Variants in GPR158 observed in about 807,000 individuals in gnomAD.
The protein encoded by GPR158 is G protein-coupled receptor 158.
GPR158 carries 30 observed loss-of-function variants against 78.2 expected under a neutral mutation model. The ratio of observed to expected loss-of-function variants is 0.38; its 90% CI spans 0.29 to 0.52. The LOEUF is 0.52. Among genes scored for constraint, GPR158 ranks in the 20% least tolerant of loss-of-function variants. The probability of loss-of-function intolerance (pLI) is 0.83; values close to 1 mark genes in which losing one functional copy is unlikely to be tolerated. For missense variants in GPR158, 1,463 were observed against 1,523.5 expected (o/e 0.96, Z 0.66); for synonymous variants, 581 against 591.1 (o/e 0.98, Z 0.25).
intron 2 of GPR158, among the ~76,000 whole-genome samples, chr10:25,367,179 G>A (rs1054474648): frequency 2.0e-5 from 3 of 151,408 alleles, no homozygotes; most frequent in African/African-American, 7.3e-5. Context: ...TATATGTGCT[G>A]GGAAGTAGGG....
intron 2 of GPR158, among the ~76,000 whole-genome samples, chr10:25,260,654 A>G (rs1214338396): frequency 6.6e-6 from 1 of 151,914 alleles, no homozygotes; most frequent in Non-Finnish European, 1.5e-5. Flanking sequence ...ACCCTTTGAA[A>G]GCGCTGGGTT....
intron 2 of GPR158, among the ~76,000 whole-genome samples, chr10:25,241,068 TG>T (rs1196385030): frequency 6.6e-6 from 1 of 152,150 alleles, no homozygotes; most frequent in African/African-American, 2.4e-5. Context: ...AAAGAGGTTT[TG>T]TTTTTCTATG....
At chr10:25,249,742 A>G (rs978270419) in intron 2 of GPR158, among the ~76,000 whole-genome samples, 7 of 152,164 alleles carry the variant, frequency 4.6e-5, no homozygotes, top group Non-Finnish European at 5.9e-5. Flanking sequence ...TTTTGCATCA[A>G]TGTTCATCAA....
intron 5 of GPR158, among the ~76,000 whole-genome samples, chr10:25,511,441 G>C (rs970677902): frequency 5.9e-5 from 9 of 152,118 alleles, no homozygotes; most frequent in African/African-American, 2.2e-4. Flanking sequence ...CCGGATATTA[G>C]TCCTTTGTCA....
In GPR158 at chr10:25,572,879, C is replaced by G; in HGVS notation, c.1745C>G (p.Thr582Arg). Residue 582 changes from threonine to arginine, a missense_variant, in exon 7 of 11, where the codon ACA (threonine) becomes AGA (arginine). Transcript: ENST00000376351. Reference protein sequence around the residue: ...MCLIDRWDYMTAVAEFLFLLW... With the variant: ...MCLIDRWDYMRAVAEFLFLLW... ...CTCATTGACCGCTGGGACTACATGA[C>G]AGCAGTTGGTATGTGGTCACTTGTT... The G allele has an allele frequency of 6.3e-7, 1 of 1,580,174 alleles. No homozygotes were observed. The highest frequency in any genetic ancestry group is 8.7e-7 in the Non-Finnish European group (1 of 1,149,032).
chr10:25,383,953 G>A (rs1037082483), intron 2 of GPR158, among the ~76,000 whole-genome samples: 1 of 152,210 alleles, frequency 6.6e-6, no homozygotes, highest in Non-Finnish European at 1.5e-5. Flanking sequence ...TTAGCAGTTT[G>A]TTCCTCAAAG....
At chr10:25,493,090 G>GT (rs1477374686) in intron 5 of GPR158, among the ~76,000 whole-genome samples, 2 of 152,092 alleles carry the variant, frequency 1.3e-5, no homozygotes, top group Non-Finnish European at 2.9e-5. Flanking sequence ...TTTCTAGTAG[G>GT]TTTTTTAAAA....
intron 5 of GPR158, among the ~76,000 whole-genome samples, chr10:25,505,677 A>G (rs1451517211): frequency 1.3e-5 from 2 of 152,222 alleles, no homozygotes; most frequent in Non-Finnish European, 2.9e-5. Flanking sequence ...CTGTCCTCAG[A>G]TCCAGCCTCC....
intron 1 of GPR158, among the ~76,000 whole-genome samples, chr10:25,208,605 TATTA>T (rs1853082434): frequency 1.5e-5 from 2 of 136,580 alleles, no homozygotes; most frequent in South Asian, 4.7e-4. Flanking sequence ...TGTGTGTGTG[TATTA>T]GAATTGAGAA....
chr10:25,343,710 C>T (rs987718970), intron 2 of GPR158, among the ~76,000 whole-genome samples: 1 of 151,978 alleles, frequency 6.6e-6, no homozygotes, highest in African/African-American at 2.4e-5. Flanking sequence ...GTGACAAGCA[C>T]CCCTGACAAT....
At chr10:25,199,206 G>T (rs531579072) in intron 1 of GPR158, among the ~76,000 whole-genome samples, 13 of 151,518 alleles carry the variant, frequency 8.6e-5, no homozygotes, top group African/African-American at 3.1e-4. Flanking sequence ...ATGCCACAGG[G>T]GTTTGGTGTA....
intron 5 of GPR158, among the ~76,000 whole-genome samples, chr10:25,518,336 T>C (rs1362857962): frequency 2.3e-5 from 2 of 85,230 alleles, no homozygotes; most frequent in African/African-American, 1.2e-4. Context: ...CCTGGATTCA[T>C]TGATTTTTTG....
chr10:25,212,853 A>C (rs1397269980), intron 1 of GPR158, among the ~76,000 whole-genome samples: 1 of 152,074 alleles, frequency 6.6e-6, no homozygotes, highest in African/African-American at 2.4e-5. Flanking sequence ...GCTGGTCTCG[A>C]ACTCCTGACC....
chr10:25,571,878 C>T (rs1837013994), intron 6 of GPR158, among the ~76,000 whole-genome samples: 1 of 152,048 alleles, frequency 6.6e-6, no homozygotes, highest in Non-Finnish European at 1.5e-5. Context: ...AATTTTCTTC[C>T]TTAATGCAAT....
At position 25,598,806 on chromosome 10, in the gene GPR158, A is replaced by G. The variant is rs755216734; in HGVS notation, c.3180A>G (p.Gln1060=). 6.8e-6 allele frequency: 11 copies of G among 1,613,990 alleles called. No individual in the cohort carries two copies. The highest frequency in any genetic ancestry group is 2.7e-5 in the African/African-American group (2 of 74,898). ...HKPKAAEVCQ[Q]SNQKRIDKAE... is the part of the protein sequence containing the mutation. ...CTAAGGCAGCTGAGGTTTGTCAGCA[A>G]TCCAATCAGAAGCGCATAGATAAGG... Residue 1060 remains glutamine (Q), a synonymous_variant, in exon 11 of 11, where the codon CAA becomes CAG. Transcript: ENST00000376351.
At chr10:25,592,187 G>A (rs1308760572) in intron 8 of GPR158, among the ~76,000 whole-genome samples, 1 of 151,744 alleles carries the variant, frequency 6.6e-6, no homozygotes, top group Non-Finnish European at 1.5e-5. Context: ...GTCTATGTAT[G>A]TATATATACA....
chr10:25,428,938 A>G (rs1834858735), intron 4 of GPR158, among the ~76,000 whole-genome samples: 2 of 152,042 alleles, frequency 1.3e-5, no homozygotes, highest in South Asian at 2.1e-4. Flanking sequence ...TTTCCAAATT[A>G]TCTTCTTCGG....
At chr10:25,583,484 ATACT>A (rs1231843289) in intron 7 of GPR158, among the ~76,000 whole-genome samples, 2 of 152,166 alleles carry the variant, frequency 1.3e-5, no homozygotes, top group African/African-American at 4.8e-5. Flanking sequence ...TATAATATAA[ATACT>A]TATTTATATT....
At chr10:25,210,796 A>T (rs1853118882) in intron 1 of GPR158, among the ~76,000 whole-genome samples, 1 of 152,164 alleles carries the variant, frequency 6.6e-6, no homozygotes, top group African/African-American at 2.4e-5. Context: ...ATCATCCAAT[A>T]TGTCATCTTT....
Sources: allele counts gnomAD v4.1 joint callset (sites outside exome capture counted in the v4.1 genomes callset), GRCh38; gene constraint gnomAD v4.1.1; transcripts MANE v1.5; gene names NCBI Gene and HGNC (gene_info 2026-07-23, HGNC 2026-07-21).